CCNH: variants seen among roughly 807,000 people sequenced by gnomAD.
CCNH encodes the protein cyclin-H.
A neutral mutation model predicts 41.9 loss-of-function variants in CCNH; 31 were observed. The ratio of observed to expected loss-of-function variants is 0.74; its 90% CI spans 0.56 to 1.00. The LOEUF (loss-of-function observed/expected upper bound fraction) is 1.00. CCNH is among the 50% of genes least tolerant of loss of function. The pLI is 0.00. For missense variants in CCNH, 362 were observed against 388.4 expected (o/e 0.93, Z 0.57); for synonymous variants, 138 against 136.1 (o/e 1.01, Z -0.10).
chr5:87,362,903 TTTC>T (rs532546758), intron 9 of CCNH, among the ~76,000 whole-genome samples: 734 of 151,468 alleles, frequency 4.8e-3, no homozygotes, highest in Middle Eastern at 0.017. Flanking sequence ...TCTTTCTTTC[TTTC>T]TTTTTTTTTT....
downstream of CCNH, chr5:87,386,781 G>A: frequency 6.5e-7 from 1 of 1,528,078 alleles, no homozygotes; most frequent in Non-Finnish European, 9.1e-7. Flanking sequence ...AGATCAAACA[G>A]TGGTTTGTTT....
intron 9 of CCNH, among the ~76,000 whole-genome samples, chr5:87,354,401 A>T (rs1002185588): frequency 3.9e-5 from 6 of 152,046 alleles, no homozygotes; most frequent in African/African-American, 1.4e-4. Context: ...TTTCACTATT[A>T]TATGTTATGT....
intron 4 of CCNH, among the ~76,000 whole-genome samples, chr5:87,405,575 A>G (rs1244271946): frequency 6.6e-6 from 1 of 152,084 alleles, no homozygotes; most frequent in Non-Finnish European, 1.5e-5. Flanking sequence ...GCTTTTCTAC[A>G]CTCTGAAACA....
chr5:87,332,421 A>T, intron 9 of CCNH: 1 of 1,336,164 alleles, frequency 7.5e-7, no homozygotes, highest in Non-Finnish European at 1.1e-6. Context: ...TATGGAAATT[A>T]TGGATTTATA....
downstream of CCNH, among the ~76,000 whole-genome samples, chr5:87,315,876 A>C (rs1470179571): frequency 1.3e-5 from 2 of 152,202 alleles, no homozygotes; most frequent in East Asian, 3.8e-4. Context: ...TTTAATTTCA[A>C]AAAATGGATA....
upstream of CCNH, chr5:87,380,607 C>CA (rs1440389396): frequency 6.3e-7 from 1 of 1,596,182 alleles, no homozygotes; most frequent in East Asian, 2.2e-5. Flanking sequence ...TAAGGCTCAT[C>CA]AATTGATTTG....
chr5:87,401,651 A>G, intron 6 of CCNH, 51 bp downstream of exon 6: 1 of 1,097,402 alleles, frequency 9.1e-7, no homozygotes. Context: ...TTATTTAGAA[A>G]GGAGCTTTGT....
chr5:87,397,976 T>C (rs1007865520), intron 7 of CCNH, among the ~76,000 whole-genome samples: 1 of 152,230 alleles, frequency 6.6e-6, no homozygotes, highest in Non-Finnish European at 1.5e-5. Flanking sequence ...ATGGGCTGGA[T>C]ATGCCTGGTA....
chr5:87,388,322 G>A (rs1414697040), downstream of CCNH, among the ~76,000 whole-genome samples: 2 of 152,064 alleles, frequency 1.3e-5, no homozygotes, highest in Admixed American at 6.6e-5. Context: ...CCATTTTACT[G>A]GTAATCCAAG....
Position 87,333,439 on chromosome 5 carries a change from A to G in CCNH, c.*91-14542T>C, listed in dbSNP as rs543041747. On this transcript the variant is annotated intron_variant and NMD_transcript_variant, in intron 9 of 9. Transcript: ENST00000645953. ...AGCTTTTGAAATTTGAAGAAATGGCATACAGCAAGGTGAAAGAGCTTTTGA... is the reference window on the plus strand; with the variant it reads ...AGCTTTTGAAATTTGAAGAAATGGCGTACAGCAAGGTGAAAGAGCTTTTGA... 1.7e-5 allele frequency: 26 copies of G among 1,535,194 alleles called. No individual in the cohort carries two copies. In the East Asian group the frequency reaches 4.7e-4, roughly 28 times the overall value.
chr5:87,351,221 T>G (rs922071297), intron 9 of CCNH, among the ~76,000 whole-genome samples: 8 of 151,710 alleles, frequency 5.3e-5, no homozygotes, highest in Admixed American at 4.6e-4. Context: ...GCAAATTTAA[T>G]TCAGCAGCCA....
chr5:87,370,748 A>G (rs1322366883), intron 9 of CCNH, among the ~76,000 whole-genome samples: 1 of 152,200 alleles, frequency 6.6e-6, no homozygotes, highest in Non-Finnish European at 1.5e-5. Context: ...TTCTGCTTAT[A>G]TTCTAACGAA....
chr5:87,384,519 G>A (rs1405679253), intron 9 of CCNH, among the ~76,000 whole-genome samples: 3 of 152,042 alleles, frequency 2.0e-5, no homozygotes, highest in Admixed American at 1.3e-4. Flanking sequence ...TCACATCTCT[G>A]TAATTATCTT....
chr5:87,391,178 A>G (rs994469966), downstream of CCNH: 8 of 509,514 alleles, frequency 1.6e-5, no homozygotes, highest in Admixed American at 3.4e-5. Flanking sequence ...CTGTATCTTG[A>G]TATCTCGAAC....
At chr5:87,339,106 T>G (rs1758252589) in intron 9 of CCNH, among the ~76,000 whole-genome samples, 1 of 152,180 alleles carries the variant, frequency 6.6e-6, no homozygotes, top group Non-Finnish European at 1.5e-5. Context: ...GCTACTGTTT[T>G]TAAATTATGC....
At chr5:87,371,687 T>C (rs1760952602), downstream of CCNH, among the ~76,000 whole-genome samples, 1 of 152,090 alleles carries the variant, frequency 6.6e-6, no homozygotes, top group South Asian at 2.1e-4. Flanking sequence ...ACATTATCAG[T>C]TGGTTTTACA....
intron 5 of CCNH, among the ~76,000 whole-genome samples, chr5:87,404,249 T>C (rs1763628016): frequency 6.6e-6 from 1 of 152,164 alleles, no homozygotes; most frequent in African/African-American, 2.4e-5. Flanking sequence ...AAAAACTAAA[T>C]ACAATCTGCT....
chr5:87,384,488 A>G (rs1282790991), intron 9 of CCNH, among the ~76,000 whole-genome samples: 1 of 152,056 alleles, frequency 6.6e-6, no homozygotes, highest in Admixed American at 6.6e-5. Context: ...GAATGTCTTA[A>G]TTTTTACTTC....
chr5:87,394,972 ATCT>A, intron 8 of CCNH, 69 bp downstream of exon 8: 2 of 1,604,580 alleles, frequency 1.2e-6, no homozygotes, highest in South Asian at 2.2e-5. Flanking sequence ...TGGAGAATAA[ATCT>A]TAACAGTATA....
Sources: allele counts gnomAD v4.1 joint callset (sites outside exome capture counted in the v4.1 genomes callset), GRCh38; gene constraint gnomAD v4.1.1; transcripts MANE v1.5; gene names NCBI Gene and HGNC (gene_info 2026-07-23, HGNC 2026-07-21).